The following ERC1 variants were observed in gnomAD, a reference collection of about 807,000 sequenced individuals.
The protein encoded by ERC1 is ELKS/RAB6-interacting/CAST family member 1.
ERC1 carries 56 observed loss-of-function variants against 132.0 expected under a neutral mutation model. The observed-to-expected ratio is 0.42, with a 90% CI of 0.34 to 0.53. The LOEUF is 0.53. Among genes scored for constraint, ERC1 ranks in the 20% least tolerant of loss-of-function variants. The pLI, the probability that ERC1 is intolerant of heterozygous loss-of-function variation, is 0.03. For synonymous variants in ERC1, 478 were observed against 476.1 expected (o/e 1.00, Z -0.05); for missense variants, 1,202 against 1,349.9 (o/e 0.89, Z 1.72).
intron 7 of ERC1, among the ~76,000 whole-genome samples, chr12:1,118,621 T>C (rs548694584): frequency 2.8e-4 from 43 of 152,364 alleles, no homozygotes; most frequent in African/African-American, 9.9e-4. Context: ...ATGTAATATG[T>C]CTATTTATTA....
intron 18 of ERC1, among the ~76,000 whole-genome samples, chr12:1,452,272 T>G (rs1191825140): frequency 6.6e-6 from 1 of 152,228 alleles, no homozygotes; most frequent in Non-Finnish European, 1.5e-5. Flanking sequence ...TGTTGAGGTC[T>G]GCTATATTCA....
chr12:1,164,589 C>G (rs980841201), intron 8 of ERC1, among the ~76,000 whole-genome samples: 6 of 152,184 alleles, frequency 3.9e-5, no homozygotes, highest in African/African-American at 1.4e-4. Context: ...ATCCGCCCAC[C>G]TCAGCCTCCC....
intron 1 of ERC1, among the ~76,000 whole-genome samples, chr12:1,015,501 C>G (rs914576698): frequency 2.0e-5 from 3 of 152,138 alleles, no homozygotes; most frequent in Non-Finnish European, 4.4e-5. Context: ...CTTGCTGGTA[C>G]AAACAATGCA....
chr12:1,204,602 T>G (rs1245561448), intron 12 of ERC1: 7 of 1,162,814 alleles, frequency 6.0e-6, no homozygotes, highest in Non-Finnish European at 8.6e-6. Context: ...TGAACATATT[T>G]CAGGAGAGGG....
chr12:1,414,080 G>A (rs1036620703), intron 17 of ERC1, among the ~76,000 whole-genome samples: 2 of 152,132 alleles, frequency 1.3e-5, no homozygotes, highest in Admixed American at 1.3e-4. Flanking sequence ...ATCTAATGCC[G>A]CCGCTGATCC....
At chr12:1,329,586 A>G (rs909508700) in intron 15 of ERC1, among the ~76,000 whole-genome samples, 32 of 152,168 alleles carry the variant, frequency 2.1e-4, no homozygotes, top group African/African-American at 6.8e-4. Context: ...AAAGTGAGTA[A>G]TTTTCCCAAT....
At chr12:1,428,194 A>G (rs1399471745) in intron 17 of ERC1, among the ~76,000 whole-genome samples, 1 of 152,186 alleles carries the variant, frequency 6.6e-6, no homozygotes, top group Non-Finnish European at 1.5e-5. Flanking sequence ...TGGACAACAA[A>G]GTATCTTTGT....
At chr12:1,245,225 C>A (rs1447336986) in intron 13 of ERC1, among the ~76,000 whole-genome samples, 3 of 152,140 alleles carry the variant, frequency 2.0e-5, no homozygotes, top group African/African-American at 7.2e-5. Flanking sequence ...ATGTGTATTT[C>A]TTTGCTATCA....
At chr12:1,032,903 C>G (rs1281565456) in intron 2 of ERC1, among the ~76,000 whole-genome samples, 2 of 151,994 alleles carry the variant, frequency 1.3e-5, no homozygotes, top group Non-Finnish European at 2.9e-5. Context: ...GACAGAGCCT[C>G]TCTATGTCAC....
intron 15 of ERC1, among the ~76,000 whole-genome samples, chr12:1,356,673 G>C (rs74057167): frequency 0.016 from 2,441 of 152,240 alleles, 68 homozygotes; most frequent in African/African-American, 0.055. Flanking sequence ...AAAAATTGGT[G>C]TAGTAAGCAT....
intron 18 of ERC1, among the ~76,000 whole-genome samples, chr12:1,458,334 A>G (rs1203627799): frequency 9.2e-5 from 14 of 152,176 alleles, no homozygotes; most frequent in Admixed American, 8.5e-4. Context: ...TATTGAGGAT[A>G]GTGTGTTTGT....
intron 2 of ERC1, among the ~76,000 whole-genome samples, chr12:1,063,449 C>T (rs549788464): frequency 1.9e-4 from 29 of 152,114 alleles, no homozygotes; most frequent in African/African-American, 3.4e-4. Context: ...TTAGTAGAGA[C>T]GGGGTTTTCA....
intron 2 of ERC1, among the ~76,000 whole-genome samples, chr12:1,062,919 T>C (rs1938320730): frequency 1.3e-5 from 2 of 152,210 alleles, no homozygotes; most frequent in African/African-American, 4.8e-5. Context: ...AGTTGTTACG[T>C]CCTTTTGCTG....
chr12:1,160,811 T>C (rs1311314572), intron 8 of ERC1, among the ~76,000 whole-genome samples: 3 of 152,184 alleles, frequency 2.0e-5, no homozygotes, highest in Non-Finnish European at 4.4e-5. Context: ...CCCAGGCTGG[T>C]ATCCAAACTC....
At chr12:1,231,710 T>C (rs2075053233) in intron 12 of ERC1, among the ~76,000 whole-genome samples, 1 of 152,032 alleles carries the variant, frequency 6.6e-6, no homozygotes, top group African/African-American at 2.4e-5. Flanking sequence ...TCTGACTCCT[T>C]GATATTGTAT....
At chr12:1,224,662 G>A (rs527410048) in intron 12 of ERC1, among the ~76,000 whole-genome samples, 297 of 151,832 alleles carry the variant, frequency 2.0e-3, no homozygotes, top group Non-Finnish European at 3.5e-3. Flanking sequence ...AGAAAATTTA[G>A]AAACTGTAAA....
intron 7 of ERC1, among the ~76,000 whole-genome samples, chr12:1,123,302 AG>A (rs1180235812): frequency 1.2e-4 from 18 of 152,302 alleles, no homozygotes; most frequent in African/African-American, 4.3e-4. Context: ...AGAATAGAGA[AG>A]AATGGGGAGG....
chr12:1,018,887 G>GAA (rs1965917655), intron 1 of ERC1, among the ~76,000 whole-genome samples: 1 of 152,200 alleles, frequency 6.6e-6, no homozygotes, highest in Non-Finnish European at 1.5e-5. Context: ...TGAGGGGCAT[G>GAA]AAGGTTTGTG....
intron 15 of ERC1, among the ~76,000 whole-genome samples, chr12:1,316,766 A>G (rs373681267): frequency 3.3e-5 from 5 of 152,360 alleles, no homozygotes; most frequent in South Asian, 4.1e-4. Flanking sequence ...TCATGCTGCT[A>G]TAAAGACACA....
Sources: gnomAD v4.1 joint callset for allele counts (sites outside exome capture counted in the v4.1 genomes callset) on GRCh38, gnomAD v4.1.1 for gene constraint, MANE v1.5 for transcripts, NCBI Gene and HGNC (gene_info 2026-07-23, HGNC 2026-07-21) for gene names.